The following CLCN5 variants were observed in gnomAD, a reference collection of about 807,000 sequenced individuals.
CLCN5 encodes the protein H(+)/Cl(-) exchange transporter 5.
In CLCN5, 17 loss-of-function variants were observed where a neutral mutation model predicts 54.0. That is an observed-to-expected ratio of 0.31 (90% CI 0.22 to 0.47). The LOEUF (loss-of-function observed/expected upper bound fraction) is 0.47, where lower values mean the gene tolerates loss of function less well. Among genes scored for constraint, CLCN5 ranks in the 20% least tolerant of loss-of-function variants. The pLI is 1.00. For synonymous variants in CLCN5, 222 were observed against 233.0 expected, an observed-to-expected ratio of 0.95 and a Z score of 0.43; for missense variants, 448 against 646.7, an observed-to-expected ratio of 0.69 and a Z score of 3.33.
At chrX:49,966,120 G>A (rs1451955334) in intron 3 of CLCN5, among the ~76,000 whole-genome samples, 1 of 111,171 alleles carries the variant, frequency 9.0e-6, no homozygotes, top group African/African-American at 3.3e-5. Context: ...AGAATGGGTG[G>A]AGAACAACTC....
chrX:49,935,272 A>G lies in CLCN5; in HGVS notation c.16+9958A>G, dbSNP rs782343296. 7.1e-5 allele frequency among the ~76,000 whole-genome samples: 8 copies of G among 112,018 alleles called. No homozygotes were observed. The East Asian group carries it at 2.2e-3, about 32-fold the overall frequency. On this transcript the variant is annotated intron_variant, in intron 3 of 14. Coordinates refer to ENST00000376091, the MANE Select transcript of CLCN5 (RefSeq NM_001127898.4). ...TCAGTTGGTAACATTCCTAGCAACT[A>G]CCTGCTTATCTTTCAGCCATGAGCT...
intron 4 of CLCN5, among the ~76,000 whole-genome samples, chrX:50,058,188 A>C (rs1412726644): frequency 1.8e-5 from 2 of 111,486 alleles, no homozygotes; most frequent in Non-Finnish European, 3.8e-5. Context: ...GCCCTGCCCC[A>C]TTTCTTTGAA....
At chrX:49,990,852 A>G (rs1929223428) in intron 3 of CLCN5, among the ~76,000 whole-genome samples, 1 of 111,520 alleles carries the variant, frequency 9.0e-6, no homozygotes, top group Non-Finnish European at 1.9e-5. Context: ...ATGGTCTCCA[A>G]CTCCATCCAA....
At chrX:49,968,986 A>T (rs924659351) in intron 3 of CLCN5, among the ~76,000 whole-genome samples, 14 of 108,740 alleles carry the variant, frequency 1.3e-4, no homozygotes, top group East Asian at 2.8e-4. Flanking sequence ...TTAATATTTT[A>T]TTTTTTTTTC....
At chrX:49,986,482 A>G (rs1557178298) in intron 3 of CLCN5, among the ~76,000 whole-genome samples, 1 of 111,956 alleles carries the variant, frequency 8.9e-6, no homozygotes, top group Non-Finnish European at 1.9e-5. Flanking sequence ...ATTTTCTTTC[A>G]GTGACATGAA....
At chrX:49,941,631 C>T in intron 3 of CLCN5, among the ~76,000 whole-genome samples, 1 of 110,910 alleles carries the variant, frequency 9.0e-6, no homozygotes, top group Middle Eastern at 4.6e-3. Flanking sequence ...ATCTTTCTGC[C>T]TCGTTCTCTA....
intron 3 of CLCN5, among the ~76,000 whole-genome samples, chrX:49,991,519 T>G (rs1338607760): frequency 8.9e-6 from 1 of 112,185 alleles, no homozygotes; most frequent in Non-Finnish European, 1.9e-5. Flanking sequence ...CTCTGCTGAT[T>G]ATTTCTTTTG....
At chrX:49,969,659 G>A (rs1383320365) in intron 3 of CLCN5, among the ~76,000 whole-genome samples, 1 of 111,568 alleles carries the variant, frequency 9.0e-6, no homozygotes, top group East Asian at 2.8e-4. Context: ...TTTTAAATTC[G>A]TTCAGACTTG....
intron 10 of CLCN5, 109 bp from the exon 11 acceptor site, chrX:50,086,219 G>T (rs1933880387): frequency 1.1e-6 from 1 of 947,992 alleles, no homozygotes; most frequent in Non-Finnish European, 1.5e-6. Context: ...TAGAAATCCA[G>T]TCGGCAGTTT....
intron 3 of CLCN5, among the ~76,000 whole-genome samples, chrX:49,960,358 C>T (rs1236612155): frequency 9.0e-6 from 1 of 110,869 alleles, no homozygotes; most frequent in African/African-American, 3.3e-5. Context: ...TGATTTCTAA[C>T]CACAGCTGGA....
At chrX:49,954,248 T>C (rs1557173629) in intron 3 of CLCN5, among the ~76,000 whole-genome samples, 1 of 111,940 alleles carries the variant, frequency 8.9e-6, no homozygotes, top group Non-Finnish European at 1.9e-5. Context: ...TAGACCAAGC[T>C]TGTGCAACCC....
At chrX:49,935,951 G>A (rs1925938165) in intron 3 of CLCN5, among the ~76,000 whole-genome samples, 1 of 111,101 alleles carries the variant, frequency 9.0e-6, no homozygotes, top group African/African-American at 3.3e-5. Context: ...AATGGGGAGT[G>A]TCTCATTCAT....
intron 3 of CLCN5, among the ~76,000 whole-genome samples, chrX:49,965,064 A>T (rs929985694): frequency 9.0e-6 from 1 of 111,682 alleles, no homozygotes; most frequent in Non-Finnish European, 1.9e-5. Context: ...GAAATAAGTC[A>T]GTCAACAGTT....
chrX:50,086,446 T>C lies in CLCN5; in HGVS notation c.1133T>C (p.Val378Ala). ...AACAGCCGCCTGGTACTATTTTATG[T>C]GGAGTTTCACACCCCATGGCATCTC... ...FGNSRLVLFYVEFHTPWHLFE... is the reference protein window; with the variant it reads ...FGNSRLVLFYAEFHTPWHLFE... The change falls in exon 11 of 15, where the codon GTG becomes GCG. Residue 378 changes from valine (V) to alanine (A), a missense_variant. Transcript: ENST00000376091. The C allele has an allele frequency of 8.3e-7, 1 of 1,211,486 alleles. No homozygotes were observed. Among genetic ancestry groups the C allele is most frequent in the Non-Finnish European group, 1.1e-6 (1 of 895,463 alleles).
chrX:49,981,450 C>G (rs1238437560), intron 3 of CLCN5, among the ~76,000 whole-genome samples: 2 of 111,445 alleles, frequency 1.8e-5, no homozygotes, highest in African/African-American at 6.5e-5. Flanking sequence ...AAATGATGAT[C>G]AAACAAACAA....
intron 3 of CLCN5, among the ~76,000 whole-genome samples, chrX:50,037,789 T>C (rs1197866733): frequency 8.9e-6 from 1 of 112,514 alleles, no homozygotes; most frequent in Non-Finnish European, 1.9e-5. Flanking sequence ...TGAAAACTTA[T>C]GTTTTTTACA....
intron 3 of CLCN5, among the ~76,000 whole-genome samples, chrX:49,959,847 T>G (rs983926965): frequency 9.0e-6 from 1 of 110,992 alleles, no homozygotes; most frequent in Admixed American, 9.7e-5. Context: ...AGCATGATAT[T>G]TCCTTGCCCT....
Position 50,042,349 on chromosome X carries a change from GT to G in CLCN5, c.54del (p.Phe18LeufsTer13). 1 of 1,177,350 alleles carries G rather than the reference GT, an allele frequency of 8.5e-7. No homozygotes were observed. The highest frequency in any genetic ancestry group is 3.0e-5 in the East Asian group (1 of 32,913). ...AMDNRGFQQGSFSSFQNSSSD... is the reference protein window; with the variant it reads ...AMDNRGFQQGXFSSFQNSSSD... Reference sequence around the variant, plus strand: ...GATAACAGAGGCTTTCAGCAGGGGAGTTTTAGTAGCTTCCAGAACAGCTCCA... The same window carrying G: ...GATAACAGAGGCTTTCAGCAGGGGAGTTTAGTAGCTTCCAGAACAGCTCCA... On this transcript the variant is annotated frameshift_variant, in exon 4 of 15. Coordinates refer to ENST00000376091, the MANE Select transcript of CLCN5 (RefSeq NM_001127898.4). LOFTEE classifies it high-confidence loss of function.
intron 4 of CLCN5, among the ~76,000 whole-genome samples, chrX:50,057,426 T>C (rs1647145646): frequency 1.6e-5 from 1 of 63,220 alleles, no homozygotes; most frequent in Non-Finnish European, 3.0e-5. Flanking sequence ...TATCCAGGAC[T>C]CTCCTGGATA....
Sources: allele counts gnomAD v4.1 joint callset (sites outside exome capture counted in the v4.1 genomes callset), GRCh38; gene constraint gnomAD v4.1.1; transcripts MANE v1.5; gene names NCBI Gene and HGNC (gene_info 2026-07-23, HGNC 2026-07-21).